The following TLE2 variants were observed in gnomAD, a reference collection of about 807,000 sequenced individuals.
TLE2 encodes the protein transducin-like enhancer protein 2.
Under a neutral mutation model 97.2 loss-of-function variants are expected in TLE2, and 74 were observed. The ratio of observed to expected loss-of-function variants is 0.76; its 90% CI spans 0.63 to 0.92. TLE2 has a LOEUF of 0.92. TLE2 is among the 40% of genes least tolerant of loss of function. TLE2 has a pLI of 0.00. For synonymous variants in TLE2, 499 were observed against 432.1 expected (o/e 1.15, Z -1.92); for missense variants, 1,038 against 1,008.7 (o/e 1.03, Z -0.39).
At chr19:3,034,587 G>C (rs2090048689) in intron 1 of TLE2, among the ~76,000 whole-genome samples, 1 of 151,236 alleles carries the variant, frequency 6.6e-6, no homozygotes, top group Admixed American at 6.6e-5. Context: ...CCTGGAGAAA[G>C]TCCATTTTTT....
chr19:3,035,828 C>A (rs554019490), intron 1 of TLE2, among the ~76,000 whole-genome samples: 1 of 152,182 alleles, frequency 6.6e-6, no homozygotes, highest in Non-Finnish European at 1.5e-5. Flanking sequence ...GTGTGGCCCC[C>A]CTCCCTAGGA....
intron 14 of TLE2, 50 bp downstream of exon 14, chr19:3,008,819 T>G: frequency 6.9e-7 from 1 of 1,439,812 alleles, no homozygotes; most frequent in Non-Finnish European, 9.3e-7. Context: ...TCAGAGGAGG[T>G]GGGGGGCTGG....
At position 3,015,725 on chromosome 19, in the gene TLE2, C is replaced by T. The variant is rs773215347; in HGVS notation, c.606G>A (p.Glu202=). 1.9e-6 allele frequency: 3 copies of T among 1,611,140 alleles called. No homozygotes were observed. The highest frequency in any genetic ancestry group is 1.7e-5 in the Admixed American group (1 of 59,740). ...ASPSPPESLV[E]EERPSGPGGG... ...CACCAGGGCCACTCGGTCGCTCCTC[C>T]TCCACGAGACTCTCAGGGGGCGAGG... The change falls in exon 9 of 20, where the codon GAG becomes GAA. Residue 202 remains glutamate, a synonymous_variant. Transcript: ENST00000262953.
rs1316142712 is a variant in TLE2, at chr19:3,029,185, G to A, written c.-281C>T. ...CGCGGCGAGGGCGGCCGCGGCAGCCGGCGCAGAAGGTCGGGCGCGCCGCGG... is the reference window on the plus strand; with the variant it reads ...CGCGGCGAGGGCGGCCGCGGCAGCCAGCGCAGAAGGTCGGGCGCGCCGCGG... On this transcript the variant is annotated 5_prime_UTR_variant, in exon 1 of 20. Coordinates refer to ENST00000262953, the MANE Select transcript of TLE2 (RefSeq NM_003260.5). 1.8e-5 allele frequency: 12 copies of A among 684,386 alleles called. No homozygotes were observed. Among genetic ancestry groups the A allele is most frequent in the Non-Finnish European group, 2.0e-5 (11 of 557,766 alleles). 42.4% of individuals were successfully genotyped at this position (684,386 alleles called of 1,614,324 possible).
chr19:3,047,200 C>G (rs1204961159), upstream of TLE2, among the ~76,000 whole-genome samples: 1 of 114,190 alleles, frequency 8.8e-6, no homozygotes, highest in African/African-American at 3.5e-5. Flanking sequence ...CCTCATTAGG[C>G]GCGGCCGCGG....
At chr19:3,009,887 C>CTTTTT (rs1555691086) in intron 12 of TLE2, among the ~76,000 whole-genome samples, 185 bp from the exon 13 acceptor site, 1 of 148,416 alleles carries the variant, frequency 6.7e-6, no homozygotes, top group South Asian at 2.1e-4. Flanking sequence ...TTCTCTCTCT[C>CTTTTT]TTTTTTTCTT....
intron 19 of TLE2, among the ~76,000 whole-genome samples, chr19:2,999,281 C>CA (rs998852420): frequency 1.0e-4 from 15 of 150,530 alleles, no homozygotes; most frequent in Non-Finnish European, 1.8e-4. Flanking sequence ...GACTCCGTGT[C>CA]AAAAAAACAA....
rs1254947210 is a variant in TLE2, at chr19:3,025,667, C to T, written c.232-585G>A. On this transcript the variant is annotated intron_variant, in intron 4 of 19. Coordinates refer to ENST00000262953, the MANE Select transcript of TLE2 (RefSeq NM_003260.5). ...CAAAGAGGCTGAGCAGACGAGAAGG[C>T]GTGTGGGTGGGGAAGGGGGCGGGCA... 1.2e-5 allele frequency: 11 copies of T among 915,364 alleles called. No individual in the cohort carries two copies. The South Asian group carries it at 3.5e-4, about 29-fold the overall frequency. 56.7% of individuals were successfully genotyped at this position (915,364 alleles called of 1,614,324 possible).
At chr19:3,010,147 T>C (rs2089564220) in intron 12 of TLE2, among the ~76,000 whole-genome samples, 1 of 151,818 alleles carries the variant, frequency 6.6e-6, no homozygotes, top group Non-Finnish European at 1.5e-5. Flanking sequence ...GCGGATCACC[T>C]GAGGTCAGGA....
intron 12 of TLE2, 33 bp downstream of exon 12, chr19:3,010,989 C>T (rs764552699): frequency 1.3e-6 from 2 of 1,588,216 alleles, no homozygotes; most frequent in African/African-American, 1.3e-5. Flanking sequence ...ACGAGGCCTG[C>T]TCCAGACAGG....
At chr19:3,030,880 G>A (rs1168814195), upstream of TLE2, among the ~76,000 whole-genome samples, 4 of 151,338 alleles carry the variant, frequency 2.6e-5, no homozygotes, top group Admixed American at 2.6e-4. Context: ...AGCCCCAGAA[G>A]GTCAAGGCTG....
chr19:3,029,080 C>G lies in TLE2; in HGVS notation c.-176G>C, dbSNP rs2089995324. ...CCTGGCGCGCCCCCAAGCGCGCGCG[C>G]CCGGGGTCGTGGGAGCCCCTCCCCG... On this transcript the variant is annotated 5_prime_UTR_variant, in exon 1 of 20. Transcript: ENST00000262953. The G allele has an allele frequency of 1.6e-6, 2 of 1,289,438 alleles. No homozygotes were observed. Among genetic ancestry groups the G allele is most frequent in the East Asian group, 6.0e-5 (2 of 33,246 alleles). 79.9% of individuals were successfully genotyped at this position (1,289,438 alleles called of 1,614,324 possible). A position where few individuals can be genotyped will look rare whatever the true frequency, so the allele number is the denominator to read the frequency against.
chr19:3,007,026 C>A, intron 14 of TLE2, among the ~76,000 whole-genome samples: 1 of 152,170 alleles, frequency 6.6e-6, no homozygotes, highest in Middle Eastern at 3.4e-3. Context: ...CTCAAGTGAT[C>A]TGCCCGCCTC....
chr19:3,043,262 T>C (rs2090117617), intron 1 of TLE2, among the ~76,000 whole-genome samples: 1 of 151,104 alleles, frequency 6.6e-6, no homozygotes, highest in African/African-American at 2.4e-5. Context: ...ACCACAATCG[T>C]ACACTACCAT....
chr19:3,032,211 C>T (rs974324368), upstream of TLE2, among the ~76,000 whole-genome samples: 1 of 151,858 alleles, frequency 6.6e-6, no homozygotes, highest in East Asian at 1.9e-4. This position sits in a 1 kb window ranked among gnomAD's most constrained non-coding sequence, Gnocchi z 4.1. Flanking sequence ...GGATTACAGG[C>T]GTGAGCTACC....
intron 19 of TLE2, among the ~76,000 whole-genome samples, chr19:2,998,205 G>A (rs934559109): frequency 2.0e-5 from 3 of 151,096 alleles, no homozygotes; most frequent in Admixed American, 6.6e-5. Context: ...CAAATAGCTG[G>A]GATTATAGGC....
chr19:3,047,326 G>A (rs1346650542), upstream of TLE2, among the ~76,000 whole-genome samples: 2 of 144,024 alleles, frequency 1.4e-5, no homozygotes, highest in Non-Finnish European at 3.1e-5. Context: ...GCCCGCCCCG[G>A]CTTCCCGGAC....
chr19:2,998,406 C>A (rs11672228), intron 19 of TLE2, among the ~76,000 whole-genome samples: 49,528 of 151,542 alleles, frequency 0.33, 8,601 homozygotes, highest in African/African-American at 0.42. Context: ...AACTCCCAAG[C>A]AGCTGGGATT....
chr19:2,998,421 G>T (rs914462863), intron 19 of TLE2, among the ~76,000 whole-genome samples: 1 of 152,034 alleles, frequency 6.6e-6, no homozygotes, highest in Non-Finnish European at 1.5e-5. Context: ...GGGATTGCAG[G>T]TGCATGCCAC....
Sources: gnomAD v4.1 joint callset for allele counts (sites outside exome capture counted in the v4.1 genomes callset) on GRCh38, gnomAD v4.1.1 for gene constraint, Gnocchi (gnomAD v3.1) non-coding constraint, MANE v1.5 for transcripts, NCBI Gene and HGNC (gene_info 2026-07-23, HGNC 2026-07-21) for gene names.